The following CRTC3 variants were observed in gnomAD, a reference collection of about 807,000 sequenced individuals.
CRTC3 encodes CREB-regulated transcription coactivator 3.
Under a neutral mutation model 74.5 loss-of-function variants are expected in CRTC3, and 26 were observed. The ratio of observed to expected loss-of-function variants is 0.35; its 90% CI spans 0.26 to 0.48. The LOEUF (loss-of-function observed/expected upper bound fraction) is 0.48, where lower values mean the gene tolerates loss of function less well. Among genes scored for constraint, CRTC3 ranks in the 20% least tolerant of loss-of-function variants. The probability of loss-of-function intolerance (pLI) is 0.99; values close to 1 mark genes in which losing one functional copy is unlikely to be tolerated. For synonymous variants in CRTC3, 377 were observed against 325.8 expected, an observed-to-expected ratio of 1.16 and a Z score of -1.69; for missense variants, 760 against 787.3, an observed-to-expected ratio of 0.97 and a Z score of 0.41.
At chr15:90,577,099 A>C (rs1394002851) in intron 2 of CRTC3, among the ~76,000 whole-genome samples, 1 of 152,110 alleles carries the variant, frequency 6.6e-6, no homozygotes, top group Non-Finnish European at 1.5e-5. Flanking sequence ...GCTGCCATGC[A>C]GTGGCTCACA....
At chr15:90,559,703 C>T (rs1966971027) in intron 2 of CRTC3, among the ~76,000 whole-genome samples, 1 of 152,210 alleles carries the variant, frequency 6.6e-6, no homozygotes. Flanking sequence ...TGGCTCACTG[C>T]AACCTCTGCT....
intron 4 of CRTC3, 49 bp downstream of exon 4, chr15:90,602,434 G>C (rs749240105): frequency 9.9e-7 from 1 of 1,008,916 alleles, no homozygotes; most frequent in Non-Finnish European, 1.6e-6. Flanking sequence ...GTTATTTTTA[G>C]ATAATTTCAC....
chr15:90,564,032 CT>C (rs1297270683), intron 2 of CRTC3, among the ~76,000 whole-genome samples: 2 of 152,188 alleles, frequency 1.3e-5, no homozygotes, highest in African/African-American at 4.8e-5. Context: ...ATCATTTACT[CT>C]TTCTAGTAAC....
chr15:90,585,035 G>T (rs753098956), intron 2 of CRTC3, among the ~76,000 whole-genome samples: 11 of 152,222 alleles, frequency 7.2e-5, no homozygotes, highest in Non-Finnish European at 5.9e-5. Context: ...TGTGCCGTTT[G>T]TATTGCATCA....
At chr15:90,549,073 A>G (rs1966849502) in intron 2 of CRTC3, among the ~76,000 whole-genome samples, 1 of 152,172 alleles carries the variant, frequency 6.6e-6, no homozygotes, top group African/African-American at 2.4e-5. Context: ...TTTTTTCACC[A>G]TTTGGCCTTT....
intron 7 of CRTC3, among the ~76,000 whole-genome samples, chr15:90,614,772 T>C (rs544310979): frequency 6.6e-6 from 1 of 152,190 alleles, no homozygotes; most frequent in African/African-American, 2.4e-5. Flanking sequence ...CATGAAAATA[T>C]GAATGAATTG....
At chr15:90,557,802 A>T (rs906375481) in intron 2 of CRTC3, among the ~76,000 whole-genome samples, 1 of 152,034 alleles carries the variant, frequency 6.6e-6, no homozygotes, top group African/African-American at 2.4e-5. Context: ...TCAAGTCACC[A>T]TTGCTGGCCT....
At chr15:90,539,807 C>A (rs1008280987) in intron 1 of CRTC3, 6 of 481,988 alleles carry the variant, frequency 1.2e-5, no homozygotes, top group Non-Finnish European at 2.2e-5. Flanking sequence ...TGCAAGAGGA[C>A]GTTACTATCA....
At chr15:90,591,814 T>G (rs1275943331) in intron 2 of CRTC3, among the ~76,000 whole-genome samples, 1 of 152,236 alleles carries the variant, frequency 6.6e-6, no homozygotes, top group East Asian at 1.9e-4. Context: ...AGAGATCCTG[T>G]GTCCTCATTG....
At position 90,629,223 on chromosome 15, in the gene CRTC3, T is replaced by C. The variant is rs780689610; in HGVS notation, c.968-11T>C. On this transcript the variant is annotated splice_polypyrimidine_tract_variant and intron_variant, in intron 10 of 14. Transcript: ENST00000268184. ...AAATTATAAGTAACTTGTGAATTTG[T>C]TGTCTTCCAGGTCTCCAGAGTTCTC... 33 of 1,601,082 alleles carry C rather than the reference T, an allele frequency of 2.1e-5. 1 individual carries two copies. The highest frequency in any genetic ancestry group is 9.4e-6 in the Non-Finnish European group (11 of 1,171,706).
At chr15:90,637,595 C>T (rs1395457256) in intron 11 of CRTC3, among the ~76,000 whole-genome samples, 1 of 152,164 alleles carries the variant, frequency 6.6e-6, no homozygotes, top group Non-Finnish European at 1.5e-5. Context: ...CCTGTGTTTT[C>T]AGTAAAGTGC....
intron 13 of CRTC3, among the ~76,000 whole-genome samples, chr15:90,640,592 G>A (rs543942725): frequency 2.0e-5 from 3 of 152,076 alleles, no homozygotes; most frequent in Non-Finnish European, 2.9e-5. Context: ...TAAGGTGGAC[G>A]GATTGCTTGA....
chr15:90,593,478 C>G (rs529956067), intron 2 of CRTC3, among the ~76,000 whole-genome samples, 158 bp from the exon 3 acceptor site: 75 of 152,280 alleles, frequency 4.9e-4, no homozygotes, highest in African/African-American at 1.8e-3. Flanking sequence ...AGAAATAGTT[C>G]CATATACTAC....
rs34296183 is a variant in CRTC3, at chr15:90,550,448, G to GTTTT, written c.231+10321_231+10324dup. On this transcript the variant is annotated intron_variant, in intron 2 of 14. Coordinates refer to ENST00000268184, the MANE Select transcript of CRTC3 (RefSeq NM_022769.5). The stretch of plus-strand genomic sequence containing the variant: ...TCATTTCCCTTATTTTCCTTTGCCT[G>GTTTT]TTTTTTTTTTTTTGAGTCTATAAAA... 3.1e-3 allele frequency among the ~76,000 whole-genome samples: 437 copies of GTTTT among 142,706 alleles called. 9 individuals are homozygous for GTTTT. The East Asian group carries it at 0.031, about 10-fold the overall frequency. 93.6% of individuals were successfully genotyped at this position (142,706 alleles called of 152,430 possible).
intron 5 of CRTC3, among the ~76,000 whole-genome samples, chr15:90,605,998 G>T (rs1968208602): frequency 6.6e-6 from 1 of 152,224 alleles, no homozygotes; most frequent in Admixed American, 6.5e-5. Context: ...GCTCATGCCT[G>T]TCATCCCAGC....
At chr15:90,558,941 A>AGG (rs1433119698) in intron 2 of CRTC3, among the ~76,000 whole-genome samples, 1 of 151,912 alleles carries the variant, frequency 6.6e-6, no homozygotes, top group Non-Finnish European at 1.5e-5. Context: ...TAGTAGAGAC[A>AGG]GGATTTCACC....
At chr15:90,556,013 A>G (rs1480552516) in intron 2 of CRTC3, among the ~76,000 whole-genome samples, 1 of 152,130 alleles carries the variant, frequency 6.6e-6, no homozygotes, top group East Asian at 1.9e-4. Context: ...AGAGATTACC[A>G]TTTTAATGTT....
chr15:90,635,176 C>T, intron 11 of CRTC3: 1 of 547,514 alleles, frequency 1.8e-6, no homozygotes, highest in Non-Finnish European at 3.3e-6. Context: ...AAAATTGTTT[C>T]CTTGTACTGA....
In CRTC3 at chr15:90,602,432, T is replaced by G. The variant is rs552693925; in HGVS notation, c.413+47T>G. 3.9e-6 allele frequency: 4 copies of G among 1,027,278 alleles called. No homozygotes were observed. In the South Asian group the frequency reaches 5.5e-5, roughly 14 times the overall value. 63.6% of individuals were successfully genotyped at this position (1,027,278 alleles called of 1,614,324 possible). On this transcript the variant is annotated intron_variant, in intron 4 of 14. Transcript: ENST00000268184. ...AGATATGATGGGCATGTGTTATTTTTAGATAATTTCACTTTATCCACTTTG... is the reference window on the plus strand; with the variant it reads ...AGATATGATGGGCATGTGTTATTTTGAGATAATTTCACTTTATCCACTTTG...
Sources: gnomAD v4.1 joint callset for allele counts (sites outside exome capture counted in the v4.1 genomes callset) on GRCh38, gnomAD v4.1.1 for gene constraint, MANE v1.5 for transcripts, NCBI Gene and HGNC (gene_info 2026-07-23, HGNC 2026-07-21) for gene names.